Variants in UNC5D observed in about 807,000 individuals in gnomAD.
The protein encoded by UNC5D is netrin receptor UNC5D.
A neutral mutation model predicts 105.4 loss-of-function variants in UNC5D; 39 were observed. That is an observed-to-expected ratio of 0.37 (90% CI 0.29 to 0.48). UNC5D has a LOEUF of 0.48. Among genes scored for constraint, UNC5D ranks in the 20% least tolerant of loss-of-function variants. The pLI is 0.98. For missense variants in UNC5D, 991 were observed against 1,202.4 expected (o/e 0.82, Z 2.60); for synonymous variants, 452 against 450.4 (o/e 1.00, Z -0.04).
At chr8:35,433,702 G>A (rs1267861016) in intron 1 of UNC5D, among the ~76,000 whole-genome samples, 1 of 151,246 alleles carries the variant, frequency 6.6e-6, no homozygotes, top group Non-Finnish European at 1.5e-5. Flanking sequence ...AAATACTATT[G>A]GCCAGGCATG....
rs540664617 is a variant in UNC5D, at chr8:35,784,659, A to C, written c.2658-5700A>C. On this transcript the variant is annotated intron_variant, in intron 16 of 16. Coordinates refer to ENST00000404895, the MANE Select transcript of UNC5D (RefSeq NM_080872.4). ...GCTACTCGGGAGGCTGAAGCATAAGAATTGCTGAAACCTGGGAGGTGGAGG... is the reference window on the plus strand; with the variant it reads ...GCTACTCGGGAGGCTGAAGCATAAGCATTGCTGAAACCTGGGAGGTGGAGG... Among the ~76,000 whole-genome samples the C allele has an allele frequency of 2.8e-4, 42 of 152,196 alleles. 1 individual carries two copies. The South Asian group carries it at 4.4e-3, about 16-fold the overall frequency.
At chr8:35,686,478 C>A in intron 6 of UNC5D, 67 bp from the exon 7 acceptor site, 1 of 1,459,712 alleles carries the variant, frequency 6.9e-7, no homozygotes. Flanking sequence ...AACAGCAGTC[C>A]TGGGGTGAGT....
chr8:35,448,954 A>T (rs1035586738), intron 1 of UNC5D, among the ~76,000 whole-genome samples: 1 of 152,054 alleles, frequency 6.6e-6, no homozygotes, highest in East Asian at 1.9e-4. Flanking sequence ...TTCTTTTTTT[A>T]TCACTGAGTA....
At chr8:35,699,869 TC>T (rs1462696178) in intron 7 of UNC5D, among the ~76,000 whole-genome samples, 5 of 151,940 alleles carry the variant, frequency 3.3e-5, no homozygotes, top group African/African-American at 1.2e-4. Flanking sequence ...CTAAAAAGAG[TC>T]AAATCTAGAG....
At chr8:35,674,814 C>T (rs1010003645) in intron 4 of UNC5D, among the ~76,000 whole-genome samples, 1 of 152,234 alleles carries the variant, frequency 6.6e-6, no homozygotes, top group East Asian at 1.9e-4. Flanking sequence ...GAATGCAGAC[C>T]TCATCCTTCT....
intron 4 of UNC5D, among the ~76,000 whole-genome samples, chr8:35,656,619 A>G (rs1823755868): frequency 6.6e-6 from 1 of 152,110 alleles, no homozygotes; most frequent in Non-Finnish European, 1.5e-5. Flanking sequence ...CGTAATGCAA[A>G]CCTTAACCCT....
intron 1 of UNC5D, among the ~76,000 whole-genome samples, chr8:35,474,728 A>G (rs146234018): frequency 2.6e-5 from 4 of 152,170 alleles, no homozygotes; most frequent in Non-Finnish European, 5.9e-5. Flanking sequence ...TTAGAACTGT[A>G]TGTGAGCAGG....
intron 1 of UNC5D, among the ~76,000 whole-genome samples, chr8:35,270,800 A>G (rs1328335484): frequency 6.6e-6 from 1 of 152,158 alleles, no homozygotes; most frequent in Non-Finnish European, 1.5e-5. Flanking sequence ...GGCTCATAAC[A>G]TACAGTAAAT....
chr8:35,493,707 A>T (rs1299109282), intron 1 of UNC5D, among the ~76,000 whole-genome samples: 1 of 152,124 alleles, frequency 6.6e-6, no homozygotes, highest in Non-Finnish European at 1.5e-5. Flanking sequence ...TTTCAAATTA[A>T]ACAGAATATT....
intron 7 of UNC5D, among the ~76,000 whole-genome samples, chr8:35,705,448 C>A (rs1189684371): frequency 6.6e-6 from 1 of 152,212 alleles, no homozygotes; most frequent in African/African-American, 2.4e-5. Context: ...CCATACCTGA[C>A]AAGAATGGAT....
intron 1 of UNC5D, among the ~76,000 whole-genome samples, chr8:35,390,019 G>A (rs887801585): frequency 6.6e-6 from 1 of 152,230 alleles, no homozygotes; most frequent in African/African-American, 2.4e-5. Flanking sequence ...GTTCTGCATG[G>A]TGTACAGGAA....
At chr8:35,355,622 T>C (rs971039113) in intron 1 of UNC5D, among the ~76,000 whole-genome samples, 4 of 152,182 alleles carry the variant, frequency 2.6e-5, no homozygotes, top group African/African-American at 4.8e-5. Context: ...TCCAATTCTT[T>C]GGCTCTCTTA....
chr8:35,773,769 CT>C (rs1437220258), intron 15 of UNC5D, among the ~76,000 whole-genome samples: 4 of 152,306 alleles, frequency 2.6e-5, no homozygotes, highest in Non-Finnish European at 5.9e-5. Context: ...GTTGCCCAGG[CT>C]AGAGTGCAAT....
At chr8:35,533,036 T>G (rs1814515903) in intron 1 of UNC5D, among the ~76,000 whole-genome samples, 1 of 148,576 alleles carries the variant, frequency 6.7e-6, no homozygotes, top group Non-Finnish European at 1.5e-5. Flanking sequence ...TGAAGCCTTC[T>G]TCTCTCAGTT....
chr8:35,462,134 C>T (rs1187268067), intron 1 of UNC5D, among the ~76,000 whole-genome samples: 2 of 151,898 alleles, frequency 1.3e-5, no homozygotes, highest in African/African-American at 4.8e-5. Context: ...ATTCAAAAAC[C>T]CAGTTTTCTC....
intron 1 of UNC5D, among the ~76,000 whole-genome samples, chr8:35,295,556 T>C (rs1052195686): frequency 6.6e-6 from 1 of 152,212 alleles, no homozygotes; most frequent in South Asian, 2.1e-4. Context: ...AATTGGCTCA[T>C]AAAATAGTAT....
intron 1 of UNC5D, among the ~76,000 whole-genome samples, chr8:35,396,445 C>T (rs1213363687): frequency 6.6e-6 from 1 of 152,000 alleles, no homozygotes; most frequent in Non-Finnish European, 1.5e-5. Flanking sequence ...GCAGATGATC[C>T]CAGCTAGGGA....
intron 4 of UNC5D, among the ~76,000 whole-genome samples, chr8:35,618,310 A>G (rs935734519): frequency 2.0e-5 from 3 of 152,226 alleles, no homozygotes; most frequent in African/African-American, 7.2e-5. Context: ...TTATTAAATG[A>G]TAATGCACAT....
intron 4 of UNC5D, among the ~76,000 whole-genome samples, chr8:35,679,698 T>C (rs1217649033): frequency 6.6e-6 from 1 of 152,154 alleles, no homozygotes; most frequent in Non-Finnish European, 1.5e-5. Context: ...GAGGTCAGAA[T>C]AGAAGCCACA....
Sources: gnomAD v4.1 joint callset for allele counts (sites outside exome capture counted in the v4.1 genomes callset) on GRCh38, gnomAD v4.1.1 for gene constraint, MANE v1.5 for transcripts, NCBI Gene and HGNC (gene_info 2026-07-23, HGNC 2026-07-21) for gene names.